The following SLC18A2 variants were observed in gnomAD, a reference collection of about 807,000 sequenced individuals.
SLC18A2 encodes solute carrier family 18 member A2, also known as synaptic vesicular amine transporter.
Under a neutral mutation model 59.2 loss-of-function variants are expected in SLC18A2, and 33 were observed. The ratio of observed to expected loss-of-function variants is 0.56; its 90% CI spans 0.42 to 0.75. The LOEUF (loss-of-function observed/expected upper bound fraction) is 0.75, where lower values mean the gene tolerates loss of function less well. SLC18A2 is among the 30% of genes least tolerant of loss of function. The pLI, the probability that SLC18A2 is intolerant of heterozygous loss-of-function variation, is 0.00. For missense variants in SLC18A2, 569 were observed against 668.6 expected (o/e 0.85, Z 1.64); for synonymous variants, 228 against 253.5 (o/e 0.90, Z 0.95).
intron 3 of SLC18A2, among the ~76,000 whole-genome samples, chr10:117,248,656 G>GAT (rs1844133550): frequency 6.6e-6 from 1 of 152,198 alleles, no homozygotes; most frequent in African/African-American, 2.4e-5. Context: ...GCAAATTTTA[G>GAT]ATATATATGT....
chr10:117,254,649 A>G, intron 6 of SLC18A2, 152 bp downstream of exon 6: 1 of 482,758 alleles, frequency 2.1e-6, no homozygotes, highest in African/African-American at 2.0e-5. Context: ...GGAGACTTTG[A>G]AAAATGGTAG....
chr10:117,264,813 C>T (rs1396940042), intron 10 of SLC18A2, among the ~76,000 whole-genome samples: 1 of 152,184 alleles, frequency 6.6e-6, no homozygotes, highest in Non-Finnish European at 1.5e-5. Context: ...GTCCCTAGAG[C>T]TGGTAGGAAG....
Position 117,278,630 on chromosome 10 carries a change from G to A in SLC18A2, c.*1364G>A, listed in dbSNP as rs1362186565. Reference sequence around the variant, plus strand: ...TCATAAACAAAAATTACTTAGTTTCGTTAAGCTAAGATTGTGTTTGTGTTA... The same window carrying A: ...TCATAAACAAAAATTACTTAGTTTCATTAAGCTAAGATTGTGTTTGTGTTA... On this transcript the variant is annotated 3_prime_UTR_variant, in exon 16 of 16. Coordinates refer to ENST00000644641, the MANE Select transcript of SLC18A2 (RefSeq NM_003054.6). 2 of 151,708 alleles carry A rather than the reference G, an allele frequency of 1.3e-5. No individual in the cohort carries two copies. Among genetic ancestry groups the A allele is most frequent in the African/African-American group, 4.9e-5 (2 of 41,192 alleles). The allele number at this position is 151,708 out of a possible 1,614,324, so 9.4% of individuals were successfully genotyped here.
At chr10:117,254,528 C>A in intron 6 of SLC18A2, 31 bp downstream of exon 6, 4 of 1,506,692 alleles carry the variant, frequency 2.7e-6, no homozygotes, top group Non-Finnish European at 9.0e-7. Context: ...GGCAAACTGG[C>A]AAGAGGGGCC....
chr10:117,267,146 A>T (rs1589984241), intron 12 of SLC18A2, 111 bp downstream of exon 12: 3 of 799,728 alleles, frequency 3.8e-6, no homozygotes, highest in African/African-American at 1.7e-5. Context: ...ATGTTTTATT[A>T]CAGCTTTCAT....
At chr10:117,274,167 TA>T (rs1565010450) in intron 15 of SLC18A2, among the ~76,000 whole-genome samples, 1 of 152,180 alleles carries the variant, frequency 6.6e-6, no homozygotes, top group African/African-American at 2.4e-5. Flanking sequence ...AACTTTTTTT[TA>T]AAAAGTACAA....
intron 15 of SLC18A2, among the ~76,000 whole-genome samples, chr10:117,275,809 C>T (rs1439239780): frequency 6.6e-6 from 1 of 152,100 alleles, no homozygotes. Context: ...TTTAAATTTT[C>T]AGTAACAATA....
At chr10:117,248,045 C>T (rs1241683000) in intron 3 of SLC18A2, among the ~76,000 whole-genome samples, 1 of 152,184 alleles carries the variant, frequency 6.6e-6, no homozygotes. Flanking sequence ...TCTCGGCTCA[C>T]TGCAACCTCT....
chr10:117,253,910 T>C, intron 4 of SLC18A2, 138 bp from the exon 5 acceptor site: 1 of 764,784 alleles, frequency 1.3e-6, no homozygotes, highest in Non-Finnish European at 2.2e-6. Flanking sequence ...AATTGATAGC[T>C]TTTTACGGAA....
chr10:117,275,610 T>C (rs1317140770), intron 15 of SLC18A2, among the ~76,000 whole-genome samples: 1 of 152,184 alleles, frequency 6.6e-6, no homozygotes, highest in African/African-American at 2.4e-5. Flanking sequence ...ATCCTAGCTG[T>C]ACACCCCTCG....
chr10:117,260,447 G>A (rs977491303), intron 10 of SLC18A2, among the ~76,000 whole-genome samples: 2 of 151,594 alleles, frequency 1.3e-5, no homozygotes, highest in Admixed American at 6.6e-5. Context: ...CTTCTTCCTC[G>A]TATTGTCCCT....
intron 10 of SLC18A2, among the ~76,000 whole-genome samples, chr10:117,258,292 CAA>C (rs1484771988): frequency 6.6e-6 from 1 of 152,180 alleles, no homozygotes; most frequent in East Asian, 1.9e-4. Flanking sequence ...ATAACAAAAT[CAA>C]AGTGTGCTGA....
rs1194267153 is a variant in SLC18A2, at chr10:117,244,149, G to T, written c.300G>T (p.Gln100His). ...GNATRDLTLH[Q>H]TATQHMVTNA... ...CTACCAGAGACCTGACACTTCATCA[G>T]ACCGCCACACAGCACATGGTGACCA... is the stretch of plus-strand genomic sequence containing the variant. Residue 100 changes from glutamine (Q) to histidine (H), a missense_variant, in exon 3 of 16, where the codon CAG becomes CAT. Gln to His is a conservative substitution (Grantham distance 24). Around this residue, in one of 2 missense-constraint regions of SLC18A2, gnomAD observed 377 missense variants for 389.8 expected, o/e 0.97. Coordinates refer to ENST00000644641, the MANE Select transcript of SLC18A2 (RefSeq NM_003054.6). 6.2e-7 allele frequency: 1 copy of T among 1,614,176 alleles called. No individual in the cohort carries two copies. Among genetic ancestry groups the T allele is most frequent in the East Asian group, 2.2e-5 (1 of 44,874 alleles).
chr10:117,258,528 C>T (rs1342214493), intron 10 of SLC18A2, among the ~76,000 whole-genome samples: 2 of 151,972 alleles, frequency 1.3e-5, no homozygotes, highest in African/African-American at 4.8e-5. Flanking sequence ...GCCATGTTTC[C>T]GTGTCAGAAC....
At chr10:117,246,565 T>C (rs948417717) in intron 3 of SLC18A2, among the ~76,000 whole-genome samples, 6 of 152,238 alleles carry the variant, frequency 3.9e-5, no homozygotes, top group African/African-American at 1.4e-4. Context: ...AGAGCAAAAT[T>C]GTAATCCCCA....
At chr10:117,243,916 T>A in intron 2 of SLC18A2, 55 bp from the exon 3 acceptor site, 1 of 1,448,582 alleles carries the variant, frequency 6.9e-7, no homozygotes, top group Non-Finnish European at 9.4e-7. Flanking sequence ...CTGGCTTTTT[T>A]CCTGGAGAGG....
intron 15 of SLC18A2, among the ~76,000 whole-genome samples, chr10:117,275,863 A>T (rs1039667469): frequency 6.6e-6 from 1 of 152,100 alleles, no homozygotes; most frequent in Non-Finnish European, 1.5e-5. Context: ...GAGGATTTTT[A>T]AAAAATCATA....
intron 15 of SLC18A2, among the ~76,000 whole-genome samples, chr10:117,272,600 C>T (rs991249081): frequency 7.2e-5 from 11 of 152,182 alleles, no homozygotes; most frequent in Admixed American, 1.3e-4. Flanking sequence ...GTGGAAGAGA[C>T]GATCCTGAAA....
chr10:117,244,814 C>G (rs1318379629), intron 3 of SLC18A2, among the ~76,000 whole-genome samples: 1 of 152,232 alleles, frequency 6.6e-6, no homozygotes, highest in Non-Finnish European at 1.5e-5. Context: ...GTTGGACGCA[C>G]TGGTGCGCAG....
Sources: allele counts gnomAD v4.1 joint callset (sites outside exome capture counted in the v4.1 genomes callset), GRCh38; gene constraint gnomAD v4.1.1; regional missense constraint gnomAD v4.1.1; transcripts MANE v1.5; gene names NCBI Gene and HGNC (gene_info 2026-07-23, HGNC 2026-07-21).